The following CCT7 variants were observed in gnomAD, a reference collection of about 807,000 sequenced individuals.
The protein encoded by CCT7 is T-complex protein 1 subunit eta.
A neutral mutation model predicts 56.6 loss-of-function variants in CCT7; 16 were observed. The observed-to-expected ratio is 0.28, with a 90% CI of 0.19 to 0.43. The LOEUF (loss-of-function observed/expected upper bound fraction) is 0.43, where lower values mean the gene tolerates loss of function less well. Among genes scored for constraint, CCT7 ranks in the 20% least tolerant of loss-of-function variants. CCT7 has a pLI of 1.00. For missense variants in CCT7, 519 were observed against 685.6 expected, an observed-to-expected ratio of 0.76 and a Z score of 2.71; for synonymous variants, 262 against 254.8, an observed-to-expected ratio of 1.03 and a Z score of -0.27.
At chr2:73,247,729 CA>C in intron 6 of CCT7, 32 bp from the exon 7 acceptor site, 1 of 1,603,682 alleles carries the variant, frequency 6.2e-7, no homozygotes, top group Non-Finnish European at 8.5e-7. Flanking sequence ...ATGTTAGTAC[CA>C]AACCATTAAA....
chr2:73,246,839 G>A (rs2103794697), intron 6 of CCT7, among the ~76,000 whole-genome samples: 1 of 152,302 alleles, frequency 6.6e-6, no homozygotes, highest in Middle Eastern at 3.4e-3. Flanking sequence ...TTAGGAAGCT[G>A]TGGATTTGAA....
intron 6 of CCT7, among the ~76,000 whole-genome samples, chr2:73,245,868 A>G (rs1255743144): frequency 6.6e-6 from 1 of 152,064 alleles, no homozygotes; most frequent in African/African-American, 2.4e-5. Flanking sequence ...CCATTTCCCT[A>G]TCTTCATCAT....
chr2:73,239,624 T>G lies in CCT7; in HGVS notation c.7-19T>G, dbSNP rs1687017523. On this transcript the variant is annotated intron_variant, in intron 1 of 11. Transcript: ENST00000258091. ...ATAATAGATGATTATTAAAAGCAGTTAATTTCTTTCTTTTCTAGCCCACAC... is the reference window on the plus strand; with the variant it reads ...ATAATAGATGATTATTAAAAGCAGTGAATTTCTTTCTTTTCTAGCCCACAC... The G allele has an allele frequency of 3.1e-6, 5 of 1,611,280 alleles. No individual in the cohort carries two copies. The highest frequency in any genetic ancestry group is 4.2e-6 in the Non-Finnish European group (5 of 1,177,886).
intron 1 of CCT7, among the ~76,000 whole-genome samples, chr2:73,236,561 G>A (rs1024335270): frequency 1.1e-4 from 17 of 152,084 alleles, no homozygotes; most frequent in African/African-American, 4.1e-4. Flanking sequence ...GGCTGGTCTC[G>A]AACACCTGAC....
rs777325378 is a variant in CCT7 at position 73,247,919 on chromosome 2, C to A, written c.776C>A (p.Thr259Lys). Residue 259 changes from threonine (T) to lysine (K), a missense_variant, in exon 7 of 12, where the codon ACA (threonine) becomes AAA (lysine). Transcript: ENST00000258091. ...GACAATGCTGAGATAAGAGTCCACA[C>A]AGTTGAGGTAGGTGGGTTCACCAGT... ...EKDNAEIRVHTVEDYQAIVDA... is the reference protein window; with the variant it reads ...EKDNAEIRVHKVEDYQAIVDA... 1.2e-6 allele frequency: 2 copies of A among 1,613,706 alleles called. No homozygotes were observed. The highest frequency in any genetic ancestry group is 2.2e-5 in the South Asian group (2 of 91,068).
At chr2:73,245,320 A>G (rs1276613298) in intron 6 of CCT7, among the ~76,000 whole-genome samples, 1 of 152,252 alleles carries the variant, frequency 6.6e-6, no homozygotes, top group Admixed American at 6.5e-5. Context: ...ATTTAACAAC[A>G]TATTTTAGAA....
intron 9 of CCT7, 101 bp downstream of exon 9, chr2:73,250,017 G>A: frequency 1.2e-6 from 1 of 850,048 alleles, no homozygotes; most frequent in Non-Finnish European, 2.0e-6. Flanking sequence ...TCACCTTTGT[G>A]TACAAAGTGG....
chr2:73,243,764 C>G, intron 4 of CCT7: 1 of 497,936 alleles, frequency 2.0e-6, no homozygotes, highest in South Asian at 3.3e-5. Flanking sequence ...CTTGGAAGCA[C>G]CCTGATTCTT....
At chr2:73,235,447 C>A in intron 1 of CCT7, 1 of 507,292 alleles carries the variant, frequency 2.0e-6, no homozygotes, top group Non-Finnish European at 2.6e-6. Context: ...GGGACGCAGA[C>A]ACCTTTTAGG....
intron 4 of CCT7, chr2:73,243,784 A>G: frequency 1.7e-6 from 1 of 585,626 alleles, no homozygotes; most frequent in Non-Finnish European, 3.0e-6. Flanking sequence ...TCAGAACTGT[A>G]TACCCACTCT....
chr2:73,246,177 T>A (rs914307343), intron 6 of CCT7, among the ~76,000 whole-genome samples: 3 of 152,186 alleles, frequency 2.0e-5, no homozygotes, highest in African/African-American at 7.2e-5. Flanking sequence ...GTTACCAGGG[T>A]TAACTGGGAA....
At chr2:73,245,201 T>G (rs1047406552) in intron 6 of CCT7, among the ~76,000 whole-genome samples, 1 of 152,272 alleles carries the variant, frequency 6.6e-6, no homozygotes, top group African/African-American at 2.4e-5. Context: ...ACTATTAGTT[T>G]GTGTGTATCC....
chr2:73,250,527 CT>C, intron 10 of CCT7, 89 bp downstream of exon 10: 2 of 1,470,624 alleles, frequency 1.4e-6, no homozygotes, highest in Non-Finnish European at 1.9e-6. Context: ...GTGATTCCTT[CT>C]CTATATAACC....
chr2:73,241,573 C>T (rs1001166269), intron 3 of CCT7, among the ~76,000 whole-genome samples: 3 of 152,018 alleles, frequency 2.0e-5, no homozygotes, highest in African/African-American at 7.2e-5. Flanking sequence ...CAATACAGCA[C>T]GACCCCATCT....
chr2:73,252,881 A>ATGGC lies in CCT7; in HGVS notation c.*31_*34dup, dbSNP rs780448538. ...CACTGAGAGGCACCCCACCCATCAC[A>ATGGC]TGGCTGGCTGGCTGCTGGGTGCACT... is the stretch of plus-strand genomic sequence containing the variant. On this transcript the variant is annotated 3_prime_UTR_variant, in exon 12 of 12. Transcript: ENST00000258091. 7 of 1,594,810 alleles carry ATGGC rather than the reference A, an allele frequency of 4.4e-6. No individual in the cohort carries two copies. The highest frequency in any genetic ancestry group is 2.6e-6 in the Non-Finnish European group (3 of 1,164,908).
Position 73,250,485 on chromosome 2 carries a change from C to G in CCT7, c.1203+47C>G, listed in dbSNP as rs767676433. 3 of 1,605,604 alleles carry G rather than the reference C, an allele frequency of 1.9e-6. 1 individual carries two copies. In the South Asian group the frequency reaches 3.3e-5, roughly 18 times the overall value. ...GCTTGCACAGCCTACTCTCTCCTAT[C>G]TCCCTAGCTGATCAGACCTTGGATT... On this transcript the variant is annotated intron_variant, in intron 10 of 11. Coordinates refer to ENST00000258091, the MANE Select transcript of CCT7 (RefSeq NM_006429.4).
At chr2:73,250,101 AAAAG>A (rs1312253190) in intron 9 of CCT7, among the ~76,000 whole-genome samples, 185 bp downstream of exon 9, 2 of 152,252 alleles carry the variant, frequency 1.3e-5, no homozygotes, top group Non-Finnish European at 2.9e-5. Flanking sequence ...AGGAAGATCT[AAAAG>A]CCTTGACTCC....
intron 6 of CCT7, 102 bp from the exon 7 acceptor site, chr2:73,247,660 C>G (rs2103797492): frequency 4.4e-6 from 4 of 911,694 alleles, no homozygotes; most frequent in African/African-American, 3.3e-5. Context: ...ACATGATTAG[C>G]TCAGGCTCAC....
intron 1 of CCT7, 129 bp from the exon 2 acceptor site, chr2:73,239,514 G>C: frequency 1.3e-6 from 1 of 787,004 alleles, no homozygotes; most frequent in Non-Finnish European, 2.0e-6. Context: ...TAGACAGTTG[G>C]GGGAATGTGG....
Sources: allele counts gnomAD v4.1 joint callset (sites outside exome capture counted in the v4.1 genomes callset), GRCh38; gene constraint gnomAD v4.1.1; transcripts MANE v1.5; gene names NCBI Gene and HGNC (gene_info 2026-07-23, HGNC 2026-07-21).